Variants in CREBBP observed in about 807,000 individuals in gnomAD.
CREBBP encodes the protein CREB binding lysine acetyltransferase.
Under a neutral mutation model 265.0 loss-of-function variants are expected in CREBBP, and 19 were observed. The observed-to-expected ratio is 0.07, with a 90% confidence interval of 0.05 to 0.11. The LOEUF is 0.11. Ranked by LOEUF, CREBBP falls within the 10% of genes least tolerant of loss-of-function variation. The pLI is 1.00. For missense variants in CREBBP, 2,525 were observed against 3,219.0 expected (o/e 0.78, Z 5.22); for synonymous variants, 1,457 against 1,223.7 (o/e 1.19, Z -3.98).
chr16:3,787,415 G>C (rs529993019), intron 5 of CREBBP, among the ~76,000 whole-genome samples: 2 of 152,202 alleles, frequency 1.3e-5, no homozygotes, highest in South Asian at 4.2e-4. Context: ...CTTAAGTCAG[G>C]GTCAATCAAG....
rs560601900 is a variant in CREBBP, at chr16:3,781,989, C to T, written c.1574-683G>A. The stretch of plus-strand genomic sequence containing the variant: ...GTAATTTTTAAGTGTAAAATAGTTA[C>T]TCTATTAGGGAAAGAACAAAACTAG... On this transcript the variant is annotated intron_variant, in intron 6 of 30. Coordinates refer to ENST00000262367, the MANE Select transcript of CREBBP (RefSeq NM_004380.3). Among the ~76,000 whole-genome samples the T allele has an allele frequency of 1.4e-4, 22 of 152,298 alleles. No homozygotes were observed. The East Asian group carries it at 2.3e-3, about 16-fold the overall frequency.
In CREBBP at chr16:3,880,233, G is replaced by GC. The variant is rs891462573; in HGVS notation, c.-318dup. On this transcript the variant is annotated 5_prime_UTR_variant, in exon 1 of 31. Coordinates refer to ENST00000262367, the MANE Select transcript of CREBBP (RefSeq NM_004380.3). ...GTGGGGGCGCCCCGGCGGCCCGGCC[G>GC]CCCCCCCGGGCCCGGCTGGCAGCGA... 12 of 136,872 alleles carry GC rather than the reference G, an allele frequency of 8.8e-5. No individual in the cohort carries two copies. Among genetic ancestry groups the GC allele is most frequent in the South Asian group, 4.0e-4 (2 of 4,962 alleles). The allele number at this position is 136,872 out of a possible 1,614,324, so 8.5% of individuals were successfully genotyped here. A position where few individuals can be genotyped will look rare whatever the true frequency, so the allele number is the denominator to read the frequency against.
In CREBBP at chr16:3,727,001, T is replaced by A. The variant is rs1319786053; in HGVS notation, c.*717A>T. ...TCACATAGAAGAAAGAAAAGAAGGCTTCTTCTCTAGTAACATTAGCATGGT... is the reference window on the plus strand; with the variant it reads ...TCACATAGAAGAAAGAAAAGAAGGCATCTTCTCTAGTAACATTAGCATGGT... On this transcript the variant is annotated 3_prime_UTR_variant, in exon 31 of 31. Transcript: ENST00000262367. The A allele has an allele frequency of 4.3e-6, 1 of 233,616 alleles. No homozygotes were observed. The highest frequency in any genetic ancestry group is 2.2e-5 in the African/African-American group (1 of 45,360). 14.5% of individuals were successfully genotyped at this position (233,616 alleles called of 1,614,324 possible). A position where few individuals can be genotyped will look rare whatever the true frequency, so the allele number is the denominator to read the frequency against.
At chr16:3,751,219 C>T (rs1314320659) in intron 20 of CREBBP, among the ~76,000 whole-genome samples, 7 of 152,172 alleles carry the variant, frequency 4.6e-5, no homozygotes, top group Admixed American at 3.9e-4. Flanking sequence ...GCAGAGGTGG[C>T]GCTGTGGTTC....
Position 3,770,553 on chromosome 16 carries a change from G to T in CREBBP, c.2880+17C>A, listed in dbSNP as rs775318956. ...TAAGAGTCTTGGCCCAAAAACAGCAGAGACAGAGAGGCTTACCGGTGTGCC... is the reference window on the plus strand; with the variant it reads ...TAAGAGTCTTGGCCCAAAAACAGCATAGACAGAGAGGCTTACCGGTGTGCC... On this transcript the variant is annotated intron_variant, in intron 14 of 30. Transcript: ENST00000262367. The T allele has an allele frequency of 6.2e-7, 1 of 1,611,482 alleles. No individual in the cohort carries two copies.
chr16:3,756,193 G>C (rs1596849403), intron 19 of CREBBP, among the ~76,000 whole-genome samples: 1 of 152,142 alleles, frequency 6.6e-6, no homozygotes, highest in Non-Finnish European at 1.5e-5. Context: ...CACTGTTGAC[G>C]CTTATTATTT....
rs577045345 is a variant in CREBBP at position 3,868,355 on chromosome 16, G to A, written c.85+11477C>T. 1.8e-4 allele frequency among the ~76,000 whole-genome samples: 24 copies of A among 130,180 alleles called. 2 individuals carry two copies. The highest frequency in any genetic ancestry group is 3.8e-4 in the Non-Finnish European group (21 of 55,766). 85.4% of individuals were successfully genotyped at this position (130,180 alleles called of 152,430 possible). Reference sequence around the variant, plus strand: ...CCAGTTCTTAAGCTGCTTTTCATGGGGCCCTTTTCCTGCCAAAAACGGGGC... The same window carrying A: ...CCAGTTCTTAAGCTGCTTTTCATGGAGCCCTTTTCCTGCCAAAAACGGGGC... On this transcript the variant is annotated intron_variant, in intron 1 of 30. Coordinates refer to ENST00000262367, the MANE Select transcript of CREBBP (RefSeq NM_004380.3).
chr16:3,846,320 T>C (rs368233000), intron 2 of CREBBP, among the ~76,000 whole-genome samples: 103 of 152,350 alleles, frequency 6.8e-4, no homozygotes, highest in African/African-American at 2.4e-3. Flanking sequence ...ATATTCAGTG[T>C]TGGTCAAGAT....
intron 1 of CREBBP, among the ~76,000 whole-genome samples, chr16:3,858,279 C>G (rs762361727): frequency 6.6e-6 from 1 of 152,198 alleles, no homozygotes; most frequent in Non-Finnish European, 1.5e-5. Flanking sequence ...AATTTCAAAG[C>G]CATCAGCCAA....
rs996038856 is a variant in CREBBP at position 3,822,648 on chromosome 16, A to T, written c.799-11869T>A. ...AGAGGAGGACTGCAGCAGCCAAAGA[A>T]GATCTTGCCCAGCTTATTAAATGCC... On this transcript the variant is annotated intron_variant, in intron 2 of 30. Transcript: ENST00000262367. Among the ~76,000 whole-genome samples, 8 of 152,220 alleles carry T rather than the reference A, an allele frequency of 5.3e-5. No individual in the cohort carries two copies. The South Asian group carries it at 1.0e-3, about 20-fold the overall frequency.
chr16:3,855,635 C>A (rs2054945712), intron 1 of CREBBP, among the ~76,000 whole-genome samples: 1 of 152,164 alleles, frequency 6.6e-6, no homozygotes, highest in Non-Finnish European at 1.5e-5. Flanking sequence ...GGTACCTCCT[C>A]ATGGTTACAG....
intron 2 of CREBBP, among the ~76,000 whole-genome samples, chr16:3,833,572 GAATT>G (rs1326861782): frequency 1.2e-4 from 18 of 152,244 alleles, no homozygotes; most frequent in Admixed American, 9.1e-4. Context: ...ACATCTTATA[GAATT>G]AATAAGTGAG....
intron 3 of CREBBP, among the ~76,000 whole-genome samples, chr16:3,806,633 A>G (rs914786934): frequency 2.0e-5 from 3 of 152,142 alleles, no homozygotes; most frequent in Non-Finnish European, 4.4e-5. Flanking sequence ...AAGCTTAAGC[A>G]AGACGTCACC....
intron 2 of CREBBP, among the ~76,000 whole-genome samples, chr16:3,814,215 CTG>C (rs6145729): frequency 0.064 from 6,637 of 103,748 alleles, 192 homozygotes; most frequent in Non-Finnish European, 0.074. Flanking sequence ...GAGTCTCGTT[CTG>C]TGTGTGTGTG....
rs529144838 is a variant in CREBBP, at chr16:3,810,317, T to C, written c.975+286A>G. Among the ~76,000 whole-genome samples the C allele has an allele frequency of 1.8e-4, 28 of 152,344 alleles. No individual in the cohort carries two copies. The East Asian group carries it at 2.1e-3, about 12-fold the overall frequency. On this transcript the variant is annotated intron_variant, in intron 3 of 30. Transcript: ENST00000262367. The stretch of plus-strand genomic sequence containing the variant: ...GAAAAGCCAGTGTCTCTGGTTCTCA[T>C]GATTCTGGAGAGAAAGGTAAAGTGA...
intron 7 of CREBBP, 73 bp downstream of exon 7, chr16:3,781,131 A>C: frequency 2.9e-6 from 4 of 1,389,898 alleles, no homozygotes; most frequent in Non-Finnish European, 4.1e-6. Flanking sequence ...CACATTTAGA[A>C]AGAATCAGTT....
intron 2 of CREBBP, among the ~76,000 whole-genome samples, chr16:3,820,860 TAGA>T (rs982512279): frequency 4.6e-5 from 7 of 152,120 alleles, no homozygotes; most frequent in African/African-American, 7.2e-5. Flanking sequence ...GAATGTGACT[TAGA>T]AGAAGAGTGG....
intron 2 of CREBBP, among the ~76,000 whole-genome samples, chr16:3,813,351 T>A (rs888227683): frequency 6.6e-6 from 1 of 152,214 alleles, no homozygotes; most frequent in African/African-American, 2.4e-5. Flanking sequence ...TCAAATGACT[T>A]AATCTAGGCA....
chr16:3,782,981 G>A lies in CREBBP; in HGVS notation c.1331-55C>T, dbSNP rs2053308717. 3.1e-6 allele frequency: 5 copies of A among 1,610,024 alleles called. No individual in the cohort carries two copies. The Admixed American group carries it at 8.4e-5, about 27-fold the overall frequency. On this transcript the variant is annotated intron_variant, in intron 5 of 30. Coordinates refer to ENST00000262367, the MANE Select transcript of CREBBP (RefSeq NM_004380.3). ...AACGAGAGGTAAGTAAAAGGGAGAA[G>A]CCCACGAATGATTTAAAAACTATTG...
Sources: allele counts gnomAD v4.1 joint callset (sites outside exome capture counted in the v4.1 genomes callset), GRCh38; gene constraint gnomAD v4.1.1; transcripts MANE v1.5; gene names NCBI Gene and HGNC (gene_info 2026-07-23, HGNC 2026-07-21).